Variants in SPECC1 observed in about 807,000 individuals in gnomAD.
The protein encoded by SPECC1 is sperm antigen with calponin homology and coiled-coil domains 1.
In SPECC1, 62 loss-of-function variants were observed where a neutral mutation model predicts 104.1. The observed-to-expected ratio is 0.60, with a 90% CI of 0.49 to 0.74. The LOEUF is 0.74. Ranked by LOEUF, SPECC1 falls within the 30% of genes least tolerant of loss-of-function variation. The pLI is 0.00. For synonymous variants in SPECC1, 513 were observed against 501.6 expected (o/e 1.02, Z -0.30); for missense variants, 1,306 against 1,310.5 (o/e 1.00, Z 0.05).
chr17:20,150,490 T>C (rs1028582183), intron 3 of SPECC1, among the ~76,000 whole-genome samples: 3 of 151,786 alleles, frequency 2.0e-5, no homozygotes, highest in African/African-American at 7.3e-5. Flanking sequence ...AAATACTAAA[T>C]TAGCCAGGTG....
intron 1 of SPECC1, among the ~76,000 whole-genome samples, chr17:20,080,886 G>C (rs983848166): frequency 1.1e-4 from 16 of 152,102 alleles, no homozygotes; most frequent in African/African-American, 4.8e-5. Flanking sequence ...TGCAGGGGGG[G>C]GTGGTCACTG....
chr17:20,014,156 T>C (rs1182196401), intron 1 of SPECC1, among the ~76,000 whole-genome samples: 1 of 152,238 alleles, frequency 6.6e-6, no homozygotes, highest in Admixed American at 6.5e-5. Flanking sequence ...TTAGTTATTC[T>C]GGTGGATACT....
At chr17:20,164,408 C>T (rs746707341) in intron 3 of SPECC1, among the ~76,000 whole-genome samples, 4 of 151,982 alleles carry the variant, frequency 2.6e-5, no homozygotes, top group East Asian at 1.9e-4. Flanking sequence ...CTCAAGCGGT[C>T]CTCTCACCTA....
chr17:20,190,539 A>G (rs2035595854), intron 3 of SPECC1, among the ~76,000 whole-genome samples: 1 of 152,186 alleles, frequency 6.6e-6, no homozygotes, highest in Non-Finnish European at 1.5e-5. Context: ...AGTGAAAAGT[A>G]CAAGTTTTCC....
chr17:20,265,691 T>G (rs1161743692), intron 12 of SPECC1, among the ~76,000 whole-genome samples: 1 of 152,246 alleles, frequency 6.6e-6, no homozygotes, highest in Non-Finnish European at 1.5e-5. Context: ...AAAAGTTATT[T>G]CCTAGGTTTT....
intron 7 of SPECC1, chr17:20,238,664 C>A (rs2039052133): frequency 9.6e-7 from 1 of 1,039,574 alleles, no homozygotes; most frequent in African/African-American, 1.7e-5. Context: ...GTGAATAGGA[C>A]TGAAATTTAT....
At chr17:20,073,619 C>G (rs964592568) in intron 1 of SPECC1, 1 of 152,376 alleles carries the variant, frequency 6.6e-6, no homozygotes, top group Middle Eastern at 3.4e-3. Flanking sequence ...CCTCCCAGGC[C>G]AGCACCAAAC....
intron 3 of SPECC1, among the ~76,000 whole-genome samples, chr17:20,111,652 C>T (rs1281406392): frequency 1.3e-5 from 2 of 152,026 alleles, no homozygotes; most frequent in Non-Finnish European, 2.9e-5. Flanking sequence ...AGCCGAGTCC[C>T]GGGTGTGGGA....
intron 8 of SPECC1, 152 bp from the exon 9 acceptor site, chr17:20,247,067 T>C: frequency 1.9e-6 from 1 of 526,378 alleles, no homozygotes; most frequent in Admixed American, 3.7e-5. Flanking sequence ...AAAGCAGCTC[T>C]AGTCCGGAGA....
chr17:20,180,712 G>A (rs2034821167), intron 3 of SPECC1, among the ~76,000 whole-genome samples: 1 of 152,196 alleles, frequency 6.6e-6, no homozygotes, highest in Non-Finnish European at 1.5e-5. Context: ...CACTTTGCCA[G>A]CCAAACAAAA....
At chr17:20,242,398 A>G (rs535521865) in intron 7 of SPECC1, among the ~76,000 whole-genome samples, 1 of 152,258 alleles carries the variant, frequency 6.6e-6, no homozygotes. Flanking sequence ...GAGGAGGGCC[A>G]TGTGCCTTGC....
intron 13 of SPECC1, among the ~76,000 whole-genome samples, chr17:20,302,773 G>A (rs966190426): frequency 6.7e-5 from 10 of 148,552 alleles, no homozygotes; most frequent in African/African-American, 2.5e-4. Context: ...AAACACAGCG[G>A]TGCCAGGCGT....
intron 1 of SPECC1, among the ~76,000 whole-genome samples, chr17:20,034,319 G>A (rs557957030): frequency 4.0e-5 from 6 of 151,884 alleles, no homozygotes; most frequent in Admixed American, 6.6e-5. Context: ...GGCTGGTCTC[G>A]AACTCCTGAC....
At chr17:20,176,683 C>G (rs979180948) in intron 3 of SPECC1, among the ~76,000 whole-genome samples, 13 of 152,042 alleles carry the variant, frequency 8.6e-5, no homozygotes, top group African/African-American at 1.2e-4. Context: ...AGCTTGTGGC[C>G]CCTTCTTCCC....
At chr17:20,108,893 A>T (rs2048353259) in intron 2 of SPECC1, among the ~76,000 whole-genome samples, 1 of 152,132 alleles carries the variant, frequency 6.6e-6, no homozygotes, top group African/African-American at 2.4e-5. Context: ...CCTTTCAGCA[A>T]ATGTTTGTCC....
chr17:20,156,904 CA>C (rs1474602924), intron 3 of SPECC1, among the ~76,000 whole-genome samples: 1 of 152,020 alleles, frequency 6.6e-6, no homozygotes, highest in Non-Finnish European at 1.5e-5. Context: ...TCACGTGAAG[CA>C]AAAGGGATTT....
intron 12 of SPECC1, among the ~76,000 whole-genome samples, chr17:20,279,240 T>G (rs1001411552): frequency 6.6e-6 from 1 of 152,128 alleles, no homozygotes; most frequent in Non-Finnish European, 1.5e-5. Context: ...AAGACACTTA[T>G]GATTTCACAG....
intron 3 of SPECC1, among the ~76,000 whole-genome samples, chr17:20,143,754 C>T (rs559675686): frequency 1.3e-5 from 2 of 152,222 alleles, no homozygotes; most frequent in African/African-American, 4.8e-5. Flanking sequence ...ACGACAAATA[C>T]CAGTACAGGT....
At chr17:20,112,392 C>T in intron 3 of SPECC1, 1 of 759,710 alleles carries the variant, frequency 1.3e-6, no homozygotes. Flanking sequence ...ATAAAGAATT[C>T]TAAACCACCG....
Sources: gnomAD v4.1 joint callset for allele counts (sites outside exome capture counted in the v4.1 genomes callset) on GRCh38, gnomAD v4.1.1 for gene constraint, MANE v1.5 for transcripts, NCBI Gene and HGNC (gene_info 2026-07-23, HGNC 2026-07-21) for gene names.